The following SVEP1 variants were observed in gnomAD, a reference collection of about 807,000 sequenced individuals.
SVEP1 encodes sushi, von Willebrand factor type A, EGF and pentraxin domain containing 1, also known as sushi, von Willebrand factor type A, EGF and pentraxin domain-containing protein 1.
Under a neutral mutation model 367.3 loss-of-function variants are expected in SVEP1, and 164 were observed. That is an observed-to-expected ratio of 0.45 (90% CI 0.39 to 0.51). The LOEUF is 0.51. Ranked by LOEUF, SVEP1 falls within the 20% of genes least tolerant of loss-of-function variation. The pLI is 0.00. For missense variants in SVEP1, 4,117 were observed against 4,425.3 expected (o/e 0.93, Z 1.98); for synonymous variants, 1,666 against 1,611.6 (o/e 1.03, Z -0.81).
At chr9:110,487,495 G>C (rs1829298244) in intron 9 of SVEP1, among the ~76,000 whole-genome samples, 1 of 152,162 alleles carries the variant, frequency 6.6e-6, no homozygotes, top group Non-Finnish European at 1.5e-5. Context: ...ACTAAGCATT[G>C]TGAAATAGTC....
At chr9:110,560,078 C>A (rs541817825) in intron 1 of SVEP1, among the ~76,000 whole-genome samples, 5 of 152,080 alleles carry the variant, frequency 3.3e-5, no homozygotes, top group Non-Finnish European at 7.4e-5. Context: ...CAATGACAGA[C>A]CACATATACA....
At chr9:110,500,578 T>C (rs950115279) in intron 6 of SVEP1, among the ~76,000 whole-genome samples, 1 of 152,184 alleles carries the variant, frequency 6.6e-6, no homozygotes, top group Non-Finnish European at 1.5e-5. Context: ...GTTGTAATGG[T>C]TTTATCTTTT....
chr9:110,427,849 A>G, intron 35 of SVEP1, 91 bp from the exon 36 acceptor site: 3 of 1,389,788 alleles, frequency 2.2e-6, no homozygotes, highest in African/African-American at 1.4e-5. Context: ...AATAAGGGAC[A>G]TTTGAGGAAT....
At chr9:110,504,116 G>A (rs1013968730) in intron 5 of SVEP1, among the ~76,000 whole-genome samples, 14 of 151,784 alleles carry the variant, frequency 9.2e-5, no homozygotes, top group African/African-American at 1.7e-4. Context: ...GTGCAGTGGC[G>A]TGATCTCAGC....
At chr9:110,475,041 T>C (rs539043878) in intron 14 of SVEP1, among the ~76,000 whole-genome samples, 41 of 151,340 alleles carry the variant, frequency 2.7e-4, no homozygotes, top group African/African-American at 9.2e-4. Flanking sequence ...CATACATATA[T>C]ACTTATAAAT....
At chr9:110,515,490 C>T (rs146015568) in intron 3 of SVEP1, among the ~76,000 whole-genome samples, 24,914 of 151,690 alleles carry the variant, frequency 0.16, 2,556 homozygotes, top group Admixed American at 0.26. Context: ...TTAGTAGAGA[C>T]GGGGTTTCAC....
chr9:110,392,797 C>A (rs1440381345), intron 40 of SVEP1, among the ~76,000 whole-genome samples: 2 of 152,090 alleles, frequency 1.3e-5, no homozygotes, highest in Non-Finnish European at 1.5e-5. Context: ...GTGTTTCAGT[C>A]CATTGAAGTT....
chr9:110,537,183 ACAACTTATT>A (rs560794677), intron 3 of SVEP1, among the ~76,000 whole-genome samples: 43 of 152,020 alleles, frequency 2.8e-4, no homozygotes, highest in Non-Finnish European at 5.2e-4. Context: ...TCAATTTAAC[ACAACTTATT>A]CAAGTCCCAT....
intron 6 of SVEP1, among the ~76,000 whole-genome samples, chr9:110,499,782 A>C (rs1829504541): frequency 6.6e-6 from 1 of 152,356 alleles, no homozygotes; most frequent in Non-Finnish European, 1.5e-5. Context: ...TGCAGATGGA[A>C]TGGAAAATCA....
In SVEP1 at chr9:110,404,490, C is replaced by T. The variant is rs779233113; in HGVS notation, c.9503G>A (p.Arg3168His). The T allele has an allele frequency of 3.7e-6, 6 of 1,613,832 alleles. No homozygotes were observed. Among genetic ancestry groups the T allele is most frequent in the African/African-American group, 2.7e-5 (2 of 74,912 alleles). Residue 3168 changes from arginine to histidine, a missense_variant, in exon 39 of 48, where the codon CGC (arginine) becomes CAC (histidine). Physicochemically the swap from Arg to His is conservative, Grantham distance 29 (BLOSUM62 0). This residue lies in a region of SVEP1 where 1,765 missense variants were observed against 1,781.1 expected (regional missense o/e 0.99). Transcript: ENST00000374469. ...TDTFTCQKDG[R>H]WFPERISCSP... ...GCAGGAGATTCTCTCAGGGAACCAG[C>T]GACCATCTTTCTGACAGGTGAATGT...
intron 1 of SVEP1, among the ~76,000 whole-genome samples, chr9:110,554,004 T>C (rs1830323972): frequency 6.6e-6 from 1 of 152,204 alleles, no homozygotes; most frequent in African/African-American, 2.4e-5. Flanking sequence ...GTCTTTGCTG[T>C]GACATAGAGA....
chr9:110,383,165 T>C (rs1262587700), intron 43 of SVEP1, among the ~76,000 whole-genome samples: 2 of 152,232 alleles, frequency 1.3e-5, no homozygotes, highest in East Asian at 1.9e-4. Context: ...TTCAGTGTTT[T>C]CTTCATTGAT....
chr9:110,385,803 A>G (rs1827512261), intron 43 of SVEP1, 95 bp downstream of exon 43: 4 of 1,321,462 alleles, frequency 3.0e-6, no homozygotes, highest in Admixed American at 2.6e-5. Context: ...AGATCTAAGT[A>G]TCTACAACTA....
intron 17 of SVEP1, among the ~76,000 whole-genome samples, chr9:110,467,868 TCAAA>T (rs1249863745): frequency 2.6e-5 from 4 of 152,108 alleles, no homozygotes; most frequent in African/African-American, 4.8e-5. Flanking sequence ...ACTCCTTGGC[TCAAA>T]CAAACTGCCT....
At chr9:110,575,552 A>G (rs1324006403) in intron 1 of SVEP1, among the ~76,000 whole-genome samples, 2 of 152,182 alleles carry the variant, frequency 1.3e-5, no homozygotes, top group African/African-American at 4.8e-5. Context: ...GCTTCAACAC[A>G]CAGAGAGCAT....
At position 110,457,328 on chromosome 9, in the gene SVEP1, G is replaced by C. The variant is rs1352420044; in HGVS notation, c.3601C>G (p.Pro1201Ala). ...SQVFHECFFN[P>A]CHNSGTCQQL... is the part of the protein sequence containing the mutation. ...TGGCAGGTTCCACTATTGTGGCAAG[G>C]GTTAAAGAAGCATTCATGGAAAACC... is the stretch of plus-strand genomic sequence containing the variant. The change falls in exon 21 of 48, where the codon CCT becomes GCT. Residue 1201 changes from proline to alanine, a missense_variant. Coordinates refer to ENST00000374469, the MANE Select transcript of SVEP1 (RefSeq NM_153366.4). The C allele has an allele frequency of 6.2e-7, 1 of 1,611,372 alleles. No homozygotes were observed. The highest frequency in any genetic ancestry group is 8.5e-7 in the Non-Finnish European group (1 of 1,179,292).
Position 110,403,296 on chromosome 9 carries a change from G to GTTTTTTTTTTTTTTTTTTTTTTT in SVEP1, c.9666+1008_9666+1030dup, listed in dbSNP as rs71371665. On this transcript the variant is annotated intron_variant, in intron 39 of 47. Transcript: ENST00000374469. ...TGATGATTCCTTCCCCGCCACCGCCGTTTTTTTTTTTTTTTTTTTTTTTTT... is the reference window on the plus strand; with the variant it reads ...TGATGATTCCTTCCCCGCCACCGCCGTTTTTTTTTTTTTTTTTTTTTTTTTTTTTTTTTTTTTTTTTTTTTTTT... Among the ~76,000 whole-genome samples the GTTTTTTTTTTTTTTTTTTTTTTT allele has an allele frequency of 2.3e-4, 10 of 43,462 alleles. 4 individuals are homozygous for GTTTTTTTTTTTTTTTTTTTTTTT. Among genetic ancestry groups the GTTTTTTTTTTTTTTTTTTTTTTT allele is most frequent in the Admixed American group, 7.8e-4 (2 of 2,550 alleles). 28.5% of individuals were successfully genotyped at this position (43,462 alleles called of 152,430 possible).
rs1829492872 is a variant in SVEP1, at chr9:110,499,119, A to C, written c.1603T>G (p.Leu535Val). Residue 535 changes from leucine (L) to valine (V), a missense_variant, in exon 7 of 48, where the codon TTA becomes GTA. Physicochemically the swap from Leu to Val is conservative, Grantham distance 32. This residue lies in a region of SVEP1 where 2,174 missense variants were observed against 2,494.3 expected (regional missense o/e 0.87). Coordinates refer to ENST00000374469, the MANE Select transcript of SVEP1 (RefSeq NM_153366.4). ...CYVSCRQGFI[L>V]SGVKEMLRCT... ...CTCAGCATTTCTTTGACTCCAGATA[A>C]AATGAACCCTTGGCGGCAACTTACA... The C allele has an allele frequency of 6.2e-7, 1 of 1,613,672 alleles. No individual in the cohort carries two copies. Among genetic ancestry groups the C allele is most frequent in the African/African-American group, 1.3e-5 (1 of 74,910 alleles).
intron 1 of SVEP1, among the ~76,000 whole-genome samples, chr9:110,551,162 A>G (rs2118852939): frequency 6.6e-6 from 1 of 152,340 alleles, no homozygotes; most frequent in African/African-American, 2.4e-5. Flanking sequence ...ACTGCATCCT[A>G]TGTTGTGTTA....
Sources: allele counts gnomAD v4.1 joint callset (sites outside exome capture counted in the v4.1 genomes callset), GRCh38; gene constraint gnomAD v4.1.1; regional missense constraint gnomAD v4.1.1; transcripts MANE v1.5; gene names NCBI Gene and HGNC (gene_info 2026-07-23, HGNC 2026-07-21).